The following CCDC171 variants were observed in gnomAD, a reference collection of about 807,000 sequenced individuals.
CCDC171 encodes the protein coiled-coil domain-containing protein 171.
A neutral mutation model predicts 168.2 loss-of-function variants in CCDC171; 177 were observed. The observed-to-expected ratio is 1.05, with a 90% CI of 0.93 to 1.19. The LOEUF is 1.19. Ranked by LOEUF, CCDC171 falls within the 50% of genes most tolerant of loss-of-function variation. The probability of loss-of-function intolerance (pLI) is 0.00; values close to 1 mark genes in which losing one functional copy is unlikely to be tolerated. For missense variants in CCDC171, 1,991 were observed against 1,539.0 expected (o/e 1.29, Z -4.91); for synonymous variants, 687 against 540.8 (o/e 1.27, Z -3.75).
intron 1 of CCDC171, among the ~76,000 whole-genome samples, chr9:16,054,032 C>G (rs141235265): frequency 6.6e-6 from 1 of 152,222 alleles, no homozygotes; most frequent in African/African-American, 2.4e-5. Context: ...TGCTGATGTT[C>G]TTTCCTGCCT....
intron 24 of CCDC171, among the ~76,000 whole-genome samples, chr9:15,905,412 C>T (rs924237017): frequency 6.6e-6 from 1 of 152,104 alleles, no homozygotes; most frequent in Non-Finnish European, 1.5e-5. Context: ...CAACCTGCTC[C>T]TGAATGACTA....
intron 10 of CCDC171, among the ~76,000 whole-genome samples, chr9:15,680,366 T>C (rs1410085059): frequency 2.0e-5 from 3 of 152,196 alleles, no homozygotes; most frequent in Non-Finnish European, 2.9e-5. Context: ...ACTACTTCAC[T>C]TTCAGTTATA....
intron 1 of CCDC171, among the ~76,000 whole-genome samples, chr9:16,058,085 G>A (rs965275928): frequency 1.3e-5 from 2 of 151,338 alleles, no homozygotes; most frequent in African/African-American, 2.4e-5. Context: ...TGGTTCACCC[G>A]TCTGTCAGAG....
chr9:15,999,531 C>T (rs746075296), intron 3 of CCDC171, among the ~76,000 whole-genome samples: 3 of 152,154 alleles, frequency 2.0e-5, no homozygotes, highest in Non-Finnish European at 2.9e-5. Flanking sequence ...CTCTATCCAT[C>T]GAAGCAGTCC....
intron 3 of CCDC171, among the ~76,000 whole-genome samples, chr9:15,997,753 G>T (rs1265425462): frequency 1.3e-5 from 2 of 152,164 alleles, no homozygotes; most frequent in Non-Finnish European, 2.9e-5. Context: ...TGAGGGATTT[G>T]CGTCCCTGAT....
At chr9:15,652,659 T>C (rs1442791419) in intron 7 of CCDC171, among the ~76,000 whole-genome samples, 1 of 152,204 alleles carries the variant, frequency 6.6e-6, no homozygotes, top group Non-Finnish European at 1.5e-5. Context: ...CAGGCTGGTC[T>C]TGAACTTCTG....
At chr9:15,615,392 C>G (rs2044006489) in intron 6 of CCDC171, among the ~76,000 whole-genome samples, 2 of 152,066 alleles carry the variant, frequency 1.3e-5, no homozygotes, top group African/African-American at 4.8e-5. Flanking sequence ...GTGTCTATAT[C>G]TGTGTGTGTA....
intron 21 of CCDC171, among the ~76,000 whole-genome samples, chr9:15,842,282 A>G (rs2060711785): frequency 6.6e-6 from 1 of 152,008 alleles, no homozygotes; most frequent in African/African-American, 2.4e-5. Context: ...TAGCGGCCTA[A>G]TGGTCTAAAG....
At chr9:15,822,100 T>TA (rs2059800317) in intron 21 of CCDC171, among the ~76,000 whole-genome samples, 1 of 152,148 alleles carries the variant, frequency 6.6e-6, no homozygotes, top group Non-Finnish European at 1.5e-5. Flanking sequence ...CCCTATTTAA[T>TA]AAATGGTGCT....
chr9:15,831,487 A>G (rs1193579499), intron 21 of CCDC171, among the ~76,000 whole-genome samples: 3 of 152,140 alleles, frequency 2.0e-5, no homozygotes, highest in Admixed American at 6.5e-5. Context: ...GCTTACTGGT[A>G]TTTTTTCTGC....
chr9:15,895,811 A>C (rs1363130293), intron 24 of CCDC171, among the ~76,000 whole-genome samples: 1 of 152,060 alleles, frequency 6.6e-6, no homozygotes, highest in Non-Finnish European at 1.5e-5. Flanking sequence ...GCAATTCTGT[A>C]ATTTACCAAT....
chr9:15,687,623 T>C (rs550631462), intron 10 of CCDC171, among the ~76,000 whole-genome samples: 3 of 152,114 alleles, frequency 2.0e-5, no homozygotes, highest in Non-Finnish European at 4.4e-5. Flanking sequence ...GATAACTCAA[T>C]TGATAACTTT....
Position 15,871,190 on chromosome 9 carries a change from A to G in CCDC171, c.3469-3342A>G, listed in dbSNP as rs993081548. 3.3e-5 allele frequency among the ~76,000 whole-genome samples: 5 copies of G among 151,698 alleles called. No homozygotes were observed. The South Asian group carries it at 8.3e-4, about 25-fold the overall frequency. On this transcript the variant is annotated intron_variant, in intron 23 of 25. Coordinates refer to ENST00000380701, the MANE Select transcript of CCDC171 (RefSeq NM_173550.4). ...GCATGATTTTAAAGAACGTTATAGA[A>G]TGTATAACATTTGATAACAGATTTA...
intron 25 of CCDC171, among the ~76,000 whole-genome samples, chr9:15,942,848 G>A (rs1827883315): frequency 1.3e-5 from 2 of 151,856 alleles, no homozygotes; most frequent in South Asian, 4.1e-4. Context: ...TTTAAACTAT[G>A]ACCAAATGCT....
rs533137138 is a variant in CCDC171, at chr9:15,584,997, G to A, written c.352+5974G>A. On this transcript the variant is annotated intron_variant, in intron 4 of 25. Transcript: ENST00000380701. ...TGACTATTAATCAGAGGAAAAATGC[G>A]TAACCTCACTTATTGTCAGGGAAAT... Among the ~76,000 whole-genome samples, 66 of 152,248 alleles carry A rather than the reference G, an allele frequency of 4.3e-4. 1 individual carries two copies. The highest frequency in any genetic ancestry group is 1.9e-4 in the East Asian group (1 of 5,180).
At position 15,570,826 on chromosome 9, in the gene CCDC171, A is replaced by G. The variant is rs1168970818; in HGVS notation, c.42-798A>G. On this transcript the variant is annotated intron_variant, in intron 2 of 25. Transcript: ENST00000380701. ...ACTCAAGCTTCTTGTATATAGTATG[A>G]AAAACTTAGGTCATTTGTATCTAAT... 2.6e-5 allele frequency among the ~76,000 whole-genome samples: 4 copies of G among 152,330 alleles called. No homozygotes were observed. The East Asian group carries it at 7.7e-4, about 29-fold the overall frequency.
chr9:15,943,482 T>C (rs1327233887), intron 25 of CCDC171, among the ~76,000 whole-genome samples: 1 of 151,998 alleles, frequency 6.6e-6, no homozygotes, highest in African/African-American at 2.4e-5. Flanking sequence ...TAGCAATGAA[T>C]TAATACTTGT....
intron 21 of CCDC171, among the ~76,000 whole-genome samples, chr9:15,825,426 A>G (rs2059971345): frequency 6.6e-6 from 1 of 152,166 alleles, no homozygotes; most frequent in Admixed American, 6.6e-5. Flanking sequence ...TGCTTTACAT[A>G]CGTTCTCTGC....
chr9:15,668,741 A>C (rs771755762), intron 9 of CCDC171, among the ~76,000 whole-genome samples: 2 of 152,002 alleles, frequency 1.3e-5, no homozygotes, highest in Non-Finnish European at 2.9e-5. Flanking sequence ...CTGTACTTCC[A>C]TTTTCCATTT....
Sources: gnomAD v4.1 joint callset for allele counts (sites outside exome capture counted in the v4.1 genomes callset) on GRCh38, gnomAD v4.1.1 for gene constraint, MANE v1.5 for transcripts, NCBI Gene and HGNC (gene_info 2026-07-23, HGNC 2026-07-21) for gene names.